Variants in SPG11 observed in about 807,000 individuals in gnomAD.
SPG11 encodes SPG11 vesicle trafficking associated, spatacsin.
A neutral mutation model predicts 274.0 loss-of-function variants in SPG11; 222 were observed. That is an observed-to-expected ratio of 0.81 (90% CI 0.73 to 0.91). SPG11 has a LOEUF of 0.91. Ranked by LOEUF, SPG11 falls within the 40% of genes least tolerant of loss-of-function variation. The pLI is 0.00. For synonymous variants in SPG11, 1,144 were observed against 1,039.7 expected, an observed-to-expected ratio of 1.10 and a Z score of -1.93; for missense variants, 3,114 against 2,872.7, an observed-to-expected ratio of 1.08 and a Z score of -1.92.
chr15:44,618,138 TAA>T (rs981621348), intron 15 of SPG11, among the ~76,000 whole-genome samples: 1 of 152,116 alleles, frequency 6.6e-6, no homozygotes, highest in African/African-American at 2.4e-5. Flanking sequence ...GCTCCAAATC[TAA>T]AGAGAATGCT....
rs543968976 is a variant in SPG11 at position 44,565,923 on chromosome 15, G to A, written c.6930C>T (p.Asn2310=). 6 of 1,613,800 alleles carry A rather than the reference G, an allele frequency of 3.7e-6. No homozygotes were observed. The highest frequency in any genetic ancestry group is 5.1e-6 in the Non-Finnish European group (6 of 1,180,010). The change falls in exon 38 of 40, where the codon AAC becomes AAT. Residue 2310 remains asparagine (N), a synonymous_variant. Transcript: ENST00000261866. ...GGCGGCCCAAGTTGATGAGCATTGT[G>A]TTCTGGCCAGTGTTCAGAAAGTGAA... is the stretch of plus-strand genomic sequence containing the variant. ...LQIHFLNTGQ[N]TMLINLGRHK... is the part of the protein sequence containing the mutation.
chr15:44,587,694 A>AAAAAAAAAAAAAAAAAC, intron 28 of SPG11, among the ~76,000 whole-genome samples: 2 of 52,202 alleles, frequency 3.8e-5, no homozygotes, highest in African/African-American at 1.1e-4. Flanking sequence ...AGACTGTCTC[A>AAAAAAAAAAAAAAAAAC]AAAAAAAAAA....
chr15:44,607,375 A>T (rs896161122), intron 19 of SPG11, among the ~76,000 whole-genome samples: 1 of 152,174 alleles, frequency 6.6e-6, no homozygotes, highest in Non-Finnish European at 1.5e-5. Context: ...TTCGCCTCCC[A>T]GGTTCAAGCC....
chr15:44,599,594 A>G (rs908209872), intron 21 of SPG11, among the ~76,000 whole-genome samples: 2 of 152,152 alleles, frequency 1.3e-5, no homozygotes, highest in African/African-American at 4.8e-5. Flanking sequence ...CATCGTGCTC[A>G]GCCCACACAA....
At position 44,614,943 on chromosome 15, in the gene SPG11, A is replaced by G. The variant is rs559636430; in HGVS notation, c.3038+420T>C. ...TCTCTGTGCGTGTGTGTGTCTATAGAAATATAAATTTTAGAGCATATCTAA... is the reference window on the plus strand; with the variant it reads ...TCTCTGTGCGTGTGTGTGTCTATAGGAATATAAATTTTAGAGCATATCTAA... On this transcript the variant is annotated intron_variant, in intron 16 of 39. Coordinates refer to ENST00000261866, the MANE Select transcript of SPG11 (RefSeq NM_025137.4). 2.6e-5 allele frequency among the ~76,000 whole-genome samples: 4 copies of G among 152,340 alleles called. No individual in the cohort carries two copies. In the East Asian group the frequency reaches 7.7e-4, roughly 29 times the overall value.
In SPG11 at chr15:44,630,221, A is replaced by G. The variant is rs1415402820; in HGVS notation, c.1736-833T>C. 9.2e-5 allele frequency among the ~76,000 whole-genome samples: 14 copies of G among 152,188 alleles called. 1 individual carries two copies. The highest frequency in any genetic ancestry group is 7.9e-4 in the Admixed American group (12 of 15,266). ...TAATTAAGTGATTCCTGTTTGTCTC[A>G]GCACTCCTCCCGCTGCCCCCCGTGG... On this transcript the variant is annotated intron_variant, in intron 8 of 39. Transcript: ENST00000261866.
chr15:44,564,845 G>C, intron 38 of SPG11, 147 bp from the exon 39 acceptor site: 1 of 919,640 alleles, frequency 1.1e-6, no homozygotes, highest in Non-Finnish European at 1.7e-6. Flanking sequence ...ATGTATCAGA[G>C]GTGGTGAAAA....
chr15:44,650,356 T>TA (rs1395749653), intron 6 of SPG11, among the ~76,000 whole-genome samples: 1 of 151,818 alleles, frequency 6.6e-6, no homozygotes, highest in Non-Finnish European at 1.5e-5. Context: ...TCATCTCTAT[T>TA]AAAAAATAAA....
At position 44,584,011 on chromosome 15, in the gene SPG11, C is replaced by G. The variant is rs770861439; in HGVS notation, c.5669G>C (p.Cys1890Ser). The G allele has an allele frequency of 6.2e-7, 1 of 1,614,126 alleles. No individual in the cohort carries two copies. Among genetic ancestry groups the G allele is most frequent in the African/African-American group, 1.3e-5 (1 of 74,952 alleles). ...GCATACTCTACTTGCTTCATGCACA[C>G]AGCCATCATCCAGTAGGCGCCCAAT... is the stretch of plus-strand genomic sequence containing the variant. ...FLIGRLLDDG[C>S]VHEASRVCRY... Residue 1890 changes from cysteine (C) to serine (S), a missense_variant, in exon 30 of 40, where the codon TGT becomes TCT. By Grantham distance (112) the Cys-to-Ser change is moderately radical. Transcript: ENST00000261866.
intron 6 of SPG11, among the ~76,000 whole-genome samples, chr15:44,651,018 G>A (rs2084757963): frequency 6.6e-6 from 1 of 152,170 alleles, no homozygotes; most frequent in Admixed American, 6.5e-5. Flanking sequence ...AAAGTGCTGG[G>A]ATTACAGGCG....
chr15:44,616,289 T>C (rs1008688396), intron 15 of SPG11, among the ~76,000 whole-genome samples: 5 of 149,896 alleles, frequency 3.3e-5, no homozygotes, highest in Non-Finnish European at 7.4e-5. Flanking sequence ...CACTGCAAGC[T>C]CCGCCTCCTG....
At position 44,652,187 on chromosome 15, in the gene SPG11, C is replaced by T. The variant is rs773433816; in HGVS notation, c.949G>A (p.Asp317Asn). 1.6e-5 allele frequency: 26 copies of T among 1,614,120 alleles called. No individual in the cohort carries two copies. The highest frequency in any genetic ancestry group is 2.2e-5 in the Non-Finnish European group (26 of 1,179,994). The change falls in exon 5 of 40, where the codon GAT (aspartate) becomes AAT (asparagine). Residue 317 changes from aspartate (D) to asparagine (N), a missense_variant. Physicochemically the swap from Asp to Asn is conservative, Grantham distance 23. Coordinates refer to ENST00000261866, the MANE Select transcript of SPG11 (RefSeq NM_025137.4). ...IQGPKGVDED[D>N]PVNSAYNMKL... is the part of the protein sequence containing the mutation. ...ATGTTGTAGGCAGAGTTAACAGGAT[C>T]ATCTTCATCTACGCCCTTAGGTCCT...
chr15:44,626,546 C>T (rs753461392), intron 10 of SPG11, 39 bp from the exon 11 acceptor site: 1 of 1,594,464 alleles, frequency 6.3e-7, no homozygotes. Flanking sequence ...AGTTCTTTTT[C>T]ATTTCCTTAT....
intron 30 of SPG11, among the ~76,000 whole-genome samples, chr15:44,578,019 CTTTTTTTTTTTTT>C (rs1179057683): frequency 3.4e-5 from 4 of 117,570 alleles, no homozygotes; most frequent in Admixed American, 9.1e-5. Context: ...GCCTTCTTTC[CTTTTTTTTTTTTT>C]TTTTTTTTTT....
chr15:44,634,267 T>C (rs1028805515), intron 7 of SPG11, among the ~76,000 whole-genome samples: 2 of 152,226 alleles, frequency 1.3e-5, no homozygotes, highest in South Asian at 4.1e-4. Flanking sequence ...TTATATTCTA[T>C]TTGAATTAAA....
chr15:44,655,301 G>A (rs535937579), intron 4 of SPG11, among the ~76,000 whole-genome samples: 1 of 152,290 alleles, frequency 6.6e-6, no homozygotes, highest in East Asian at 1.9e-4. Context: ...GTGATTTCTT[G>A]TGGTTCTCAT....
At chr15:44,636,949 A>AAAAAAAAAC (rs2084288290) in intron 7 of SPG11, among the ~76,000 whole-genome samples, 1 of 130,156 alleles carries the variant, frequency 7.7e-6, no homozygotes, top group African/African-American at 3.3e-5. Context: ...AAAAAAAAAA[A>AAAAAAAAAC]AAAAAAAACA....
In SPG11 at chr15:44,567,486, A is replaced by G. The variant is rs1363230897; in HGVS notation, c.6692T>C (p.Ile2231Thr). ...IALCFSMCRE[I>T]GENHEAAARI... ...GGCAGCTGCCTCGTGGTTCTCGCCA[A>G]TCTCCCGGCACATGCTGAAGCACAG... is the stretch of plus-strand genomic sequence containing the variant. The change falls in exon 36 of 40, where the codon ATT (isoleucine) becomes ACT (threonine). Residue 2231 changes from isoleucine to threonine, a missense_variant. Ile to Thr is a moderately conservative substitution (Grantham distance 89). Transcript: ENST00000261866. 5 of 1,613,968 alleles carry G rather than the reference A, an allele frequency of 3.1e-6. No homozygotes were observed. Among genetic ancestry groups the G allele is most frequent in the East Asian group, 2.2e-5 (1 of 44,892 alleles).
chr15:44,625,367 C>A (rs1190624178), intron 11 of SPG11, among the ~76,000 whole-genome samples: 1 of 152,120 alleles, frequency 6.6e-6, no homozygotes, highest in Admixed American at 6.5e-5. Context: ...TGAATTGTAA[C>A]CCCCAATGTT....
Sources: allele counts gnomAD v4.1 joint callset (sites outside exome capture counted in the v4.1 genomes callset), GRCh38; gene constraint gnomAD v4.1.1; transcripts MANE v1.5; gene names NCBI Gene and HGNC (gene_info 2026-07-23, HGNC 2026-07-21).